The following OR52K1 variants were observed in gnomAD, a reference collection of about 807,000 sequenced individuals.
OR52K1 encodes the protein olfactory receptor 52K1.
OR52K1 carries 10 observed loss-of-function variants against 8.7 expected under a neutral mutation model. The ratio of observed to expected loss-of-function variants is 1.15; its 90% confidence interval spans 0.71 to 1.95. The LOEUF (loss-of-function observed/expected upper bound fraction) is 1.95, where lower values mean the gene tolerates loss of function less well. OR52K1 is among the 30% of genes most tolerant of loss of function. The pLI is 0.00. For missense variants in OR52K1, 431 were observed against 397.2 expected (o/e 1.08, Z -0.72); for synonymous variants, 203 against 148.5 (o/e 1.37, Z -2.67).
chr11:4,484,825 AACACACAGAC>A (rs558217016), intron 1 of OR52K1, among the ~76,000 whole-genome samples: 7,682 of 131,804 alleles, frequency 0.058, 532 homozygotes, highest in African/African-American at 0.18. Context: ...TCTGTTCTAA[AACACACAGAC>A]ACACACACAC....
chr11:4,488,534 G>T (rs939980584), intron 1 of OR52K1, 39 bp from the exon 2 acceptor site: 4 of 194,870 alleles, frequency 2.1e-5, no homozygotes, highest in Admixed American at 1.1e-4. Flanking sequence ...ATGTGCTAAA[G>T]AAATGAATTG....
chr11:4,489,824 A>G lies in OR52K1; in HGVS notation c.924A>G (p.Leu308=), dbSNP rs1272699750. The G allele has an allele frequency of 6.2e-7, 1 of 1,607,184 alleles. No homozygotes were observed. The highest frequency in any genetic ancestry group is 1.7e-5 in the Admixed American group (1 of 59,404). The stretch of plus-strand genomic sequence containing the variant: ...AGATTCGTGAGTATGTGCTCAGTCT[A>G]TTCCAGAGAAAGAACATGTAGATGG... The part of the protein sequence containing the change: ...TKQIREYVLS[L]FQRKNM Residue 308 remains leucine (L), a synonymous_variant, in exon 2 of 2, where the codon CTA becomes CTG. Coordinates refer to ENST00000641528, the MANE Select transcript of OR52K1 (RefSeq NM_001005171.3).
rs1399395779 is a variant in OR52K1 at position 4,483,093 on chromosome 11, C to T, written c.-412C>T. 2 of 398,522 alleles carry T rather than the reference C, an allele frequency of 5.0e-6. No individual in the cohort carries two copies. Among genetic ancestry groups the T allele is most frequent in the East Asian group, 7.1e-5 (2 of 28,078 alleles). The allele number at this position is 398,522 out of a possible 1,614,324, so 24.7% of individuals were successfully genotyped here. A position where few individuals can be genotyped will look rare whatever the true frequency, so the allele number is the denominator to read the frequency against. On this transcript the variant is annotated 5_prime_UTR_variant, in exon 1 of 2. Transcript: ENST00000641528. ...TGTCATTGCTTTTTCTAACCCCTGG[C>T]AAATGCCCCATCCCAGTTAAAGGGC...
At chr11:4,483,457 G>A (rs1049037139) in intron 1 of OR52K1, among the ~76,000 whole-genome samples, 5 of 152,146 alleles carry the variant, frequency 3.3e-5, no homozygotes, top group African/African-American at 7.2e-5. Flanking sequence ...CACTACAGAG[G>A]AGGTCTTAGT....
intron 1 of OR52K1, among the ~76,000 whole-genome samples, chr11:4,485,702 C>A (rs575786433): frequency 6.6e-6 from 1 of 152,262 alleles, no homozygotes; most frequent in Admixed American, 6.5e-5. Context: ...CCAATTCTAC[C>A]CTTCCCTCTT....
Position 4,489,798 on chromosome 11 carries a change from C to A in OR52K1, c.898C>A (p.Gln300Lys), listed in dbSNP as rs766792934. 4 of 1,613,298 alleles carry A rather than the reference C, an allele frequency of 2.5e-6. No individual in the cohort carries two copies. The African/African-American group carries it at 4.0e-5, about 16-fold the overall frequency. ...TATCATATATGGAGTCAAGACCAAGCAGATTCGTGAGTATGTGCTCAGTCT... is the reference window on the plus strand; with the variant it reads ...TATCATATATGGAGTCAAGACCAAGAAGATTCGTGAGTATGTGCTCAGTCT... ...NPIIYGVKTK[Q>K]IREYVLSLFQ... Residue 300 changes from glutamine to lysine, a missense_variant, in exon 2 of 2, where the codon CAG becomes AAG. By Grantham distance (53) the Gln-to-Lys change is moderately conservative. Coordinates refer to ENST00000641528, the MANE Select transcript of OR52K1 (RefSeq NM_001005171.3).
chr11:4,490,087 G>A lies in OR52K1; in HGVS notation c.*242G>A, dbSNP rs550293160. 1.3e-4 allele frequency: 59 copies of A among 470,230 alleles called. 3 individuals carry two copies. Among genetic ancestry groups the A allele is most frequent in the African/African-American group, 1.1e-3 (57 of 50,830 alleles). The allele number at this position is 470,230 out of a possible 1,614,324, so 29.1% of individuals were successfully genotyped here. A position where few individuals can be genotyped will look rare whatever the true frequency, so the allele number is the denominator to read the frequency against. ...TGTCATAGACTCATCACATGGCTAAGGAAGACAAACCTCTCAAAGTGGTAT... is the reference window on the plus strand; with the variant it reads ...TGTCATAGACTCATCACATGGCTAAAGAAGACAAACCTCTCAAAGTGGTAT... On this transcript the variant is annotated 3_prime_UTR_variant, in exon 2 of 2. Coordinates refer to ENST00000641528, the MANE Select transcript of OR52K1 (RefSeq NM_001005171.3).
intron 1 of OR52K1, 81 bp downstream of exon 1, chr11:4,483,257 C>A (rs1217837401): frequency 1.5e-5 from 6 of 398,252 alleles, no homozygotes; most frequent in South Asian, 1.3e-4. Context: ...CCTTCCTTGT[C>A]TGGTTCTAAG....
rs331510 is a variant in OR52K1, at chr11:4,489,357, C to T, written c.457C>T (p.Arg153Trp). Residue 153 changes from arginine (R) to tryptophan (W), a missense_variant, in exon 2 of 2, where the codon CGG (arginine) becomes TGG (tryptophan). Physicochemically the swap from Arg to Trp is moderately radical, Grantham distance 101 (BLOSUM62 -3). Coordinates refer to ENST00000641528, the MANE Select transcript of OR52K1 (RefSeq NM_001005171.3). ...ITKIGMAAVA[R>W]AVTLMTPLPF... ...CAAGATTGGCATGGCTGCTGTGGCC[C>T]GGGCTGTGACACTAATGACTCCACT... 369,024 of 1,613,948 alleles carry T rather than the reference C, an allele frequency of 0.23. 44,283 individuals carry two copies. The highest frequency in any genetic ancestry group is 0.35 in the South Asian group (32,310 of 91,080).
Position 4,489,688 on chromosome 11 carries a change from T to C in OR52K1, c.788T>C (p.Met263Thr), listed in dbSNP as rs1432343911. ...TYTPVVISSV[M>T]HRVARHAAPR... ...ACTCCAGTAGTCATCTCTTCAGTCA[T>C]GCACCGTGTAGCCCGCCATGCTGCC... The change falls in exon 2 of 2, where the codon ATG becomes ACG. Residue 263 changes from methionine to threonine, a missense_variant. By Grantham distance (81) the Met-to-Thr change is moderately conservative. Transcript: ENST00000641528. The C allele has an allele frequency of 1.2e-6, 2 of 1,614,252 alleles. No homozygotes were observed. The highest frequency in any genetic ancestry group is 1.7e-6 in the Non-Finnish European group (2 of 1,180,044).
At chr11:4,485,313 C>T (rs1846313144) in intron 1 of OR52K1, among the ~76,000 whole-genome samples, 1 of 152,158 alleles carries the variant, frequency 6.6e-6, no homozygotes. Context: ...TTTCTGTGAA[C>T]ATTTACTGTC....
Position 4,493,278 on chromosome 11 carries a change from C to G in OR52K1, c.*3433C>G, listed in dbSNP as rs1429660836. Reference sequence around the variant, plus strand: ...AGGCCTTCCACAAGAGGTGGTGAAACAGAGTCTTCTCTAACTCCCCCAGGG... The same window carrying G: ...AGGCCTTCCACAAGAGGTGGTGAAAGAGAGTCTTCTCTAACTCCCCCAGGG... On this transcript the variant is annotated 3_prime_UTR_variant, in exon 2 of 2. Coordinates refer to ENST00000641528, the MANE Select transcript of OR52K1 (RefSeq NM_001005171.3). The G allele has an allele frequency of 6.6e-6, 1 of 152,174 alleles. No homozygotes were observed. The highest frequency in any genetic ancestry group is 2.4e-5 in the African/African-American group (1 of 41,444). 9.4% of individuals were successfully genotyped at this position (152,174 alleles called of 1,614,324 possible).
chr11:4,485,148 C>G (rs1846311024), intron 1 of OR52K1, among the ~76,000 whole-genome samples: 1 of 152,198 alleles, frequency 6.6e-6, no homozygotes, highest in South Asian at 2.1e-4. Flanking sequence ...TGTTAGTAAA[C>G]TATATTCTAT....
At position 4,489,584 on chromosome 11, in the gene OR52K1, C is replaced by G. The variant is rs765929883; in HGVS notation, c.684C>G (p.Leu228=). 2.0e-5 allele frequency: 32 copies of G among 1,614,118 alleles called. No homozygotes were observed. Among genetic ancestry groups the G allele is most frequent in the Non-Finnish European group, 2.5e-5 (30 of 1,180,048 alleles). Residue 228 remains leucine (L), a synonymous_variant, in exon 2 of 2, where the codon CTC becomes CTG. Transcript: ENST00000641528. The part of the protein sequence containing the change: ...LSYVFILQAV[L]QLASQEARYK... ...ATGTCTTCATCCTTCAGGCAGTTCTCCAGCTTGCCTCTCAGGAGGCCCGCT... is the reference window on the plus strand; with the variant it reads ...ATGTCTTCATCCTTCAGGCAGTTCTGCAGCTTGCCTCTCAGGAGGCCCGCT...
chr11:4,489,160 T>C lies in OR52K1; in HGVS notation c.260T>C (p.Phe87Ser). ...STTLPKMLAI[F>S]WFRDQEINFF... ...ACGCTGCCCAAAATGCTTGCCATAT[T>C]CTGGTTCAGGGATCAGGAGATCAAC... The change falls in exon 2 of 2, where the codon TTC (phenylalanine) becomes TCC (serine). Residue 87 changes from phenylalanine (F) to serine (S), a missense_variant. Physicochemically the swap from Phe to Ser is radical, Grantham distance 155. Coordinates refer to ENST00000641528, the MANE Select transcript of OR52K1 (RefSeq NM_001005171.3). The C allele has an allele frequency of 6.2e-7, 1 of 1,614,264 alleles. No individual in the cohort carries two copies. Among genetic ancestry groups the C allele is most frequent in the Non-Finnish European group, 8.5e-7 (1 of 1,180,050 alleles).
Position 4,489,044 on chromosome 11 carries a change from C to G in OR52K1, c.144C>G (p.Leu48=). 6.2e-7 allele frequency: 1 copy of G among 1,614,186 alleles called. No homozygotes were observed. Among genetic ancestry groups the G allele is most frequent in the Non-Finnish European group, 8.5e-7 (1 of 1,180,008 alleles). Reference sequence around the variant, plus strand: ...CCCTGCTAGGCAACTGTACCCTTCTCTTCATTATCCAGGCTGATGCAGCCC... The same window carrying G: ...CCCTGCTAGGCAACTGTACCCTTCTGTTCATTATCCAGGCTGATGCAGCCC... ...TLALLGNCTL[L]FIIQADAALH... is the part of the protein sequence containing the mutation. Residue 48 remains leucine (L), a synonymous_variant, in exon 2 of 2, where the codon CTC becomes CTG. Coordinates refer to ENST00000641528, the MANE Select transcript of OR52K1 (RefSeq NM_001005171.3).
Position 4,489,305 on chromosome 11 carries a change from G to C in OR52K1, c.405G>C (p.Thr135=), listed in dbSNP as rs767653676. The change falls in exon 2 of 2, where the codon ACG becomes ACC. Residue 135 remains threonine, a synonymous_variant. Transcript: ENST00000641528. ...YVAICKPLHY[T]TVLTGSLITK... ...CCATCTGCAAGCCATTGCACTACAC[G>C]ACGGTCCTGACTGGGTCCCTCATCA... 39 of 1,614,022 alleles carry C rather than the reference G, an allele frequency of 2.4e-5. 1 individual carries two copies. Among genetic ancestry groups the C allele is most frequent in the South Asian group, 2.3e-4 (21 of 91,088 alleles).
At chr11:4,488,382 A>T (rs1846337422) in intron 1 of OR52K1, among the ~76,000 whole-genome samples, 191 bp from the exon 2 acceptor site, 1 of 152,200 alleles carries the variant, frequency 6.6e-6, no homozygotes, top group African/African-American at 2.4e-5. Flanking sequence ...TTTAGGGAAA[A>T]TATGCAGATT....
At chr11:4,487,379 A>G (rs1198318036) in intron 1 of OR52K1, among the ~76,000 whole-genome samples, 1 of 152,250 alleles carries the variant, frequency 6.6e-6, no homozygotes, top group Non-Finnish European at 1.5e-5. Flanking sequence ...AAAGGGAAAT[A>G]GCACTGAACT....
Sources: gnomAD v4.1 joint callset for allele counts (sites outside exome capture counted in the v4.1 genomes callset) on GRCh38, gnomAD v4.1.1 for gene constraint, MANE v1.5 for transcripts, NCBI Gene and HGNC (gene_info 2026-07-23, HGNC 2026-07-21) for gene names.